The following RORA variants were observed in gnomAD, a reference collection of about 807,000 sequenced individuals.
The protein encoded by RORA is RAR related orphan receptor A.
A neutral mutation model predicts 69.5 loss-of-function variants in RORA; 7 were observed. That is an observed-to-expected ratio of 0.10 (90% CI 0.06 to 0.19). RORA has a LOEUF of 0.19. Among genes scored for constraint, RORA ranks in the 10% least tolerant of loss-of-function variants. RORA has a pLI of 1.00. For missense variants in RORA, 457 were observed against 663.0 expected (o/e 0.69, Z 3.41); for synonymous variants, 261 against 240.8 (o/e 1.08, Z -0.78).
At chr15:60,738,132 A>G (rs750791087) in intron 1 of RORA, among the ~76,000 whole-genome samples, 2 of 152,242 alleles carry the variant, frequency 1.3e-5, no homozygotes, top group Non-Finnish European at 2.9e-5. Flanking sequence ...AAGCAGTTCC[A>G]CAAGGGATAA....
chr15:61,026,498 A>AATC (rs1895822705), intron 1 of RORA, among the ~76,000 whole-genome samples: 1 of 152,192 alleles, frequency 6.6e-6, no homozygotes, highest in Non-Finnish European at 1.5e-5. Context: ...CTCTCAAGAA[A>AATC]ATCAAGTATA....
intron 1 of RORA, among the ~76,000 whole-genome samples, chr15:60,791,827 A>G (rs341440): frequency 9.8e-4 from 149 of 152,348 alleles, no homozygotes; most frequent in African/African-American, 3.5e-3. Flanking sequence ...TAAAGCAAAA[A>G]TTATTTTCAG....
chr15:60,757,882 C>T (rs17204395), intron 1 of RORA, among the ~76,000 whole-genome samples: 17,392 of 152,126 alleles, frequency 0.11, 1,346 homozygotes, highest in Middle Eastern at 0.18. Flanking sequence ...CACAGCCACC[C>T]GTCACCCTCA....
intron 1 of RORA, among the ~76,000 whole-genome samples, chr15:60,902,448 T>C (rs1891419163): frequency 6.6e-6 from 1 of 152,150 alleles, no homozygotes; most frequent in Admixed American, 6.5e-5. Context: ...AACTCTCCAT[T>C]TACACGTGAG....
chr15:61,117,317 T>G (rs2079059800), intron 1 of RORA, among the ~76,000 whole-genome samples: 1 of 152,164 alleles, frequency 6.6e-6, no homozygotes, highest in South Asian at 2.1e-4. Context: ...ATTCTGTTCT[T>G]ATAATTGTTT....
At chr15:60,659,869 A>C (rs1327275709) in intron 2 of RORA, among the ~76,000 whole-genome samples, 1 of 152,202 alleles carries the variant, frequency 6.6e-6, no homozygotes, top group East Asian at 1.9e-4. Context: ...AGTCCTCCCC[A>C]ACATACTTAT....
At chr15:60,948,092 G>A (rs1051317259) in intron 1 of RORA, among the ~76,000 whole-genome samples, 2 of 152,114 alleles carry the variant, frequency 1.3e-5, no homozygotes, top group Admixed American at 6.5e-5. Context: ...AAGTGAAGAC[G>A]GCTAAGACAA....
intron 1 of RORA, among the ~76,000 whole-genome samples, chr15:61,014,807 T>C (rs1011472444): frequency 1.8e-4 from 28 of 152,104 alleles, no homozygotes; most frequent in African/African-American, 6.3e-4. Flanking sequence ...AAATGGGTGG[T>C]CAAAATTAAC....
At chr15:61,049,569 C>T (rs1171450309) in intron 1 of RORA, among the ~76,000 whole-genome samples, 2 of 152,192 alleles carry the variant, frequency 1.3e-5, no homozygotes, top group Non-Finnish European at 2.9e-5. Flanking sequence ...AGGATGTTAA[C>T]GCACTGATAG....
At chr15:61,143,933 C>T (rs531263505) in intron 1 of RORA, among the ~76,000 whole-genome samples, 6 of 152,256 alleles carry the variant, frequency 3.9e-5, no homozygotes, top group South Asian at 2.1e-4. Context: ...ATTTACATTG[C>T]ATTCGAAATT....
chr15:60,548,177 C>T (rs769355869), intron 2 of RORA, among the ~76,000 whole-genome samples: 2 of 152,166 alleles, frequency 1.3e-5, no homozygotes, highest in Non-Finnish European at 2.9e-5. Flanking sequence ...GCAGTTGGGA[C>T]ACAGGTTATT....
chr15:60,597,512 TAC>T lies in RORA; in HGVS notation c.197-65663_197-65662del, dbSNP rs56774445. On this transcript the variant is annotated intron_variant, in intron 2 of 10. Transcript: ENST00000335670. ...CTATACCTGGCAGTGGTACAGGAGA[TAC>T]ACACACACACACACACACACACACA... is the stretch of plus-strand genomic sequence containing the variant. 5.6e-3 allele frequency among the ~76,000 whole-genome samples: 241 copies of T among 43,164 alleles called. 4 individuals are homozygous for T. Among genetic ancestry groups the T allele is most frequent in the East Asian group, 0.012 (9 of 746 alleles). 28.3% of individuals were successfully genotyped at this position (43,164 alleles called of 152,430 possible).
intron 1 of RORA, among the ~76,000 whole-genome samples, chr15:60,876,409 T>C (rs993719958): frequency 2.0e-5 from 3 of 151,334 alleles, no homozygotes; most frequent in African/African-American, 7.3e-5. Context: ...ATCTGGGCCA[T>C]ATTGGGCTTA....
At chr15:60,527,634 G>A (rs1300453960) in intron 3 of RORA, among the ~76,000 whole-genome samples, 2 of 152,176 alleles carry the variant, frequency 1.3e-5, no homozygotes, top group East Asian at 3.8e-4. Context: ...TCTAACATAT[G>A]TTCTTCCGAA....
intron 1 of RORA, among the ~76,000 whole-genome samples, chr15:60,799,853 A>G (rs916814037): frequency 2.6e-5 from 4 of 152,248 alleles, no homozygotes; most frequent in South Asian, 2.1e-4. Flanking sequence ...CAAGATATGT[A>G]GATAGGAATG....
intron 1 of RORA, among the ~76,000 whole-genome samples, chr15:60,835,464 GCT>G (rs2073103527): frequency 1.3e-5 from 2 of 152,202 alleles, no homozygotes; most frequent in South Asian, 4.1e-4. Flanking sequence ...AACACCATCA[GCT>G]CTCTGATTGG....
chr15:60,698,959 T>C (rs983970877), intron 1 of RORA, among the ~76,000 whole-genome samples: 2 of 152,170 alleles, frequency 1.3e-5, no homozygotes, highest in African/African-American at 4.8e-5. Flanking sequence ...TGCTCACTTT[T>C]GTATTGTGGT....
At chr15:60,822,107 G>A (rs1304931166) in intron 1 of RORA, among the ~76,000 whole-genome samples, 1 of 152,206 alleles carries the variant, frequency 6.6e-6, no homozygotes, top group African/African-American at 2.4e-5. Context: ...ATGAAACAAG[G>A]TTTGGTGGTA....
chr15:60,557,297 A>C (rs1240361015), intron 2 of RORA, among the ~76,000 whole-genome samples: 1 of 152,182 alleles, frequency 6.6e-6, no homozygotes, highest in Non-Finnish European at 1.5e-5. Flanking sequence ...AATGCTCACA[A>C]CTGTTATGGT....
Sources: allele counts gnomAD v4.1 joint callset (sites outside exome capture counted in the v4.1 genomes callset), GRCh38; gene constraint gnomAD v4.1.1; transcripts MANE v1.5; gene names NCBI Gene and HGNC (gene_info 2026-07-23, HGNC 2026-07-21).